Variants in SRPK1 observed in about 807,000 individuals in gnomAD.
The protein encoded by SRPK1 is SFRS protein kinase 1.
In SRPK1, 52 loss-of-function variants were observed where a neutral mutation model predicts 89.5. The observed-to-expected ratio is 0.58, with a 90% CI of 0.46 to 0.73. The LOEUF (loss-of-function observed/expected upper bound fraction) is 0.73, where lower values mean the gene tolerates loss of function less well. Ranked by LOEUF, SRPK1 falls within the 30% of genes least tolerant of loss-of-function variation. The pLI is 0.00. For synonymous variants in SRPK1, 255 were observed against 270.2 expected, an observed-to-expected ratio of 0.94 and a Z score of 0.55; for missense variants, 603 against 780.6, an observed-to-expected ratio of 0.77 and a Z score of 2.71.
chr6:35,919,122 T>A (rs777972704), intron 2 of SRPK1, among the ~76,000 whole-genome samples: 5 of 152,228 alleles, frequency 3.3e-5, no homozygotes, highest in Admixed American at 2.6e-4. Flanking sequence ...GCTGTTTCTA[T>A]TAAACGATCT....
intron 12 of SRPK1, among the ~76,000 whole-genome samples, chr6:35,857,711 A>AT: frequency 6.6e-6 from 1 of 152,124 alleles, no homozygotes; most frequent in Non-Finnish European, 1.5e-5. Context: ...CAAGTGATCC[A>AT]CCCACCTTGG....
chr6:35,865,402 T>C (rs1278138681), intron 12 of SRPK1, among the ~76,000 whole-genome samples: 1 of 152,080 alleles, frequency 6.6e-6, no homozygotes, highest in Non-Finnish European at 1.5e-5. Flanking sequence ...ATGCAATTCT[T>C]TTCAAAATAC....
At chr6:35,917,584 A>C (rs1001037416) in intron 2 of SRPK1, among the ~76,000 whole-genome samples, 1 of 152,198 alleles carries the variant, frequency 6.6e-6, no homozygotes, top group Non-Finnish European at 1.5e-5. Context: ...AAAGAACCCA[A>C]AGGAAATCCA....
intron 14 of SRPK1, 46 bp from the exon 15 acceptor site, chr6:35,838,475 A>G: frequency 6.7e-7 from 1 of 1,482,350 alleles, no homozygotes; most frequent in Non-Finnish European, 9.1e-7. Context: ...AAAGATCCGT[A>G]ACAAGAGTAA....
At chr6:35,907,008 A>T (rs1770862739) in intron 2 of SRPK1, among the ~76,000 whole-genome samples, 1 of 152,214 alleles carries the variant, frequency 6.6e-6, no homozygotes, top group African/African-American at 2.4e-5. Context: ...ATAAATTAAG[A>T]AATAGAATAT....
intron 2 of SRPK1, among the ~76,000 whole-genome samples, chr6:35,902,671 G>A (rs1770768874): frequency 6.6e-6 from 1 of 152,178 alleles, no homozygotes; most frequent in Non-Finnish European, 1.5e-5. Context: ...GAGGCAGGCT[G>A]AAATCCGGGA....
At chr6:35,838,220 T>A (rs900381516) in intron 15 of SRPK1, 117 bp downstream of exon 15, 11 of 717,300 alleles carry the variant, frequency 1.5e-5, no homozygotes, top group Non-Finnish European at 2.3e-5. Flanking sequence ...CTTTGCTAAG[T>A]CACAGGTTAG....
chr6:35,852,534 C>T (rs116391485), intron 13 of SRPK1, among the ~76,000 whole-genome samples: 149 of 152,226 alleles, frequency 9.8e-4, no homozygotes, highest in African/African-American at 3.5e-3. Flanking sequence ...ATTCAAAATC[C>T]AGCCTCCAGT....
At chr6:35,910,262 A>C (rs1418662100) in intron 2 of SRPK1, among the ~76,000 whole-genome samples, 1 of 152,124 alleles carries the variant, frequency 6.6e-6, no homozygotes, top group Admixed American at 6.6e-5. Context: ...GGATTACAGG[A>C]GTGAGCCACC....
chr6:35,835,749 GGT>G (rs1388583388), intron 15 of SRPK1, among the ~76,000 whole-genome samples: 1 of 151,860 alleles, frequency 6.6e-6, no homozygotes, highest in Non-Finnish European at 1.5e-5. Context: ...AGTCAAACTG[GGT>G]GTGACAATCA....
chr6:35,902,635 T>C (rs954028134), intron 2 of SRPK1, among the ~76,000 whole-genome samples: 4 of 152,176 alleles, frequency 2.6e-5, no homozygotes, highest in Non-Finnish European at 4.4e-5. Context: ...AAAGAAACTG[T>C]CCATGTTCAC....
At chr6:35,914,822 G>A (rs1383902262) in intron 2 of SRPK1, among the ~76,000 whole-genome samples, 1 of 150,536 alleles carries the variant, frequency 6.6e-6, no homozygotes, top group Non-Finnish European at 1.5e-5. Flanking sequence ...TTTTTGAAAC[G>A]GAACTTTGCT....
chr6:35,843,646 T>G (rs974211645), intron 13 of SRPK1, among the ~76,000 whole-genome samples: 32 of 152,052 alleles, frequency 2.1e-4, no homozygotes, highest in African/African-American at 7.2e-4. Flanking sequence ...AGATGGGGTT[T>G]TACCATGTTG....
intron 6 of SRPK1, among the ~76,000 whole-genome samples, chr6:35,882,629 T>C (rs1410836851): frequency 6.6e-6 from 1 of 151,992 alleles, no homozygotes; most frequent in Non-Finnish European, 1.5e-5. Context: ...CATTTAGAAA[T>C]ACATTCTAAA....
chr6:35,865,197 G>A (rs969401076), intron 12 of SRPK1, among the ~76,000 whole-genome samples: 7 of 151,914 alleles, frequency 4.6e-5, no homozygotes, highest in Non-Finnish European at 8.8e-5. Flanking sequence ...TTGGATTGTC[G>A]TAACACAAAG....
intron 13 of SRPK1, among the ~76,000 whole-genome samples, chr6:35,845,773 G>A (rs553366369): frequency 6.6e-5 from 10 of 152,284 alleles, no homozygotes; most frequent in Non-Finnish European, 1.5e-4. Flanking sequence ...CAATGGGCTG[G>A]CCAATGGCTG....
chr6:35,854,942 C>T (rs1769635733), intron 13 of SRPK1, among the ~76,000 whole-genome samples: 1 of 152,100 alleles, frequency 6.6e-6, no homozygotes, highest in African/African-American at 2.4e-5. Flanking sequence ...AGATTTTATT[C>T]CAATATTCTC....
chr6:35,916,120 A>G (rs1771095423), intron 2 of SRPK1, among the ~76,000 whole-genome samples: 1 of 148,404 alleles, frequency 6.7e-6, no homozygotes, highest in African/African-American at 2.4e-5. Context: ...GCTACTCGAG[A>G]AACTGAGACA....
intron 2 of SRPK1, among the ~76,000 whole-genome samples, chr6:35,905,751 T>C (rs1770835739): frequency 6.6e-6 from 1 of 152,110 alleles, no homozygotes; most frequent in South Asian, 2.1e-4. Flanking sequence ...AAAAAGAAAA[T>C]GAGCAATCAT....
Sources: gnomAD v4.1 joint callset for allele counts (sites outside exome capture counted in the v4.1 genomes callset) on GRCh38, gnomAD v4.1.1 for gene constraint, MANE v1.5 for transcripts, NCBI Gene and HGNC (gene_info 2026-07-23, HGNC 2026-07-21) for gene names.